The following ALG6 variants were observed in gnomAD, a reference collection of about 807,000 sequenced individuals.
ALG6 encodes the protein ALG6 alpha-1,3-glucosyltransferase.
Under a neutral mutation model 66.6 loss-of-function variants are expected in ALG6, and 46 were observed. The ratio of observed to expected loss-of-function variants is 0.69; its 90% CI spans 0.55 to 0.88. The LOEUF is 0.88. Ranked by LOEUF, ALG6 falls within the 40% of genes least tolerant of loss-of-function variation. The pLI, the probability that ALG6 is intolerant of heterozygous loss-of-function variation, is 0.00. For synonymous variants in ALG6, 185 were observed against 203.7 expected (o/e 0.91, Z 0.78); for missense variants, 505 against 586.8 (o/e 0.86, Z 1.44).
chr1:63,400,280 T>TATAC lies in ALG6; in HGVS notation c.168-1973_168-1972insTACA, dbSNP rs1415450323. 4.6e-4 allele frequency among the ~76,000 whole-genome samples: 12 copies of TATAC among 26,282 alleles called. 4 individuals carry two copies. The East Asian group carries it at 0.012, about 26-fold the overall frequency. The allele number at this position is 26,282 out of a possible 152,430, so 17.2% of individuals were successfully genotyped here. A position where few individuals can be genotyped will look rare whatever the true frequency, so the allele number is the denominator to read the frequency against. ...GTATATATATATACGTATATATATATACGTATATATATATACGTATATATA... is the reference window on the plus strand; with the variant it reads ...GTATATATATATACGTATATATATATATACACGTATATATATATACGTATATATA... On this transcript the variant is annotated intron_variant, in intron 3 of 14. Transcript: ENST00000263440.
At chr1:63,410,206 C>A (rs1272594432) in intron 7 of ALG6, among the ~76,000 whole-genome samples, 1 of 152,062 alleles carries the variant, frequency 6.6e-6, no homozygotes, top group African/African-American at 2.4e-5. Flanking sequence ...ATGTTGAAAT[C>A]TTTATCTATT....
At chr1:63,378,414 A>G (rs1385562405) in intron 2 of ALG6, among the ~76,000 whole-genome samples, 1 of 152,092 alleles carries the variant, frequency 6.6e-6, no homozygotes, top group African/African-American at 2.4e-5. Flanking sequence ...ATATTAAAAC[A>G]TTTGTCATCC....
chr1:63,427,787 CTTTT>C (rs540658412), intron 12 of ALG6, among the ~76,000 whole-genome samples: 1 of 109,958 alleles, frequency 9.1e-6, no homozygotes, highest in Non-Finnish European at 1.8e-5. Context: ...CCCTAAACAA[CTTTT>C]TTTTTTTTTT....
chr1:63,436,907 T>C lies in ALG6; in HGVS notation c.1411T>C (p.Ser471Pro), dbSNP rs1486995042. 4 of 1,613,830 alleles carry C rather than the reference T, an allele frequency of 2.5e-6. No homozygotes were observed. The highest frequency in any genetic ancestry group is 3.4e-6 in the Non-Finnish European group (4 of 1,179,826). ...DPPQKLPDLF[S>P]VLVCFVSCLN... ...TCCTCAGAAACTACCGGACTTGTTT[T>C]CTGTATTGGTGTGTTTTGTATCTTG... is the stretch of plus-strand genomic sequence containing the variant. Residue 471 changes from serine (S) to proline (P), a missense_variant, in exon 15 of 15, where the codon TCT (serine) becomes CCT (proline). By Grantham distance (74) the Ser-to-Pro change is moderately conservative. Coordinates refer to ENST00000263440, the MANE Select transcript of ALG6 (RefSeq NM_013339.4).
intron 12 of ALG6, among the ~76,000 whole-genome samples, chr1:63,427,013 T>C (rs1042834251): frequency 6.6e-6 from 1 of 152,148 alleles, no homozygotes; most frequent in Non-Finnish European, 1.5e-5. Flanking sequence ...TAGTAATTTC[T>C]TTCTTTGAGA....
intron 12 of ALG6, among the ~76,000 whole-genome samples, chr1:63,420,231 T>A (rs1404570589): frequency 1.3e-5 from 2 of 152,122 alleles, no homozygotes; most frequent in Non-Finnish European, 2.9e-5. Context: ...CAGTCTCATA[T>A]CATTGTAGAC....
At chr1:63,401,149 T>C (rs1429637710) in intron 3 of ALG6, among the ~76,000 whole-genome samples, 2 of 152,140 alleles carry the variant, frequency 1.3e-5, no homozygotes, top group Admixed American at 6.5e-5. Flanking sequence ...GGTACCATAC[T>C]GTAGTACTCT....
rs1047305277 is a variant in ALG6 at position 63,437,435 on chromosome 1, C to T, written c.*415C>T. ...GCTTCATGGGAGAATTGAGCCCCTTCTTTTTAATGGAAATCACTAATTTTG... is the reference window on the plus strand; with the variant it reads ...GCTTCATGGGAGAATTGAGCCCCTTTTTTTTAATGGAAATCACTAATTTTG... On this transcript the variant is annotated 3_prime_UTR_variant, in exon 15 of 15. Transcript: ENST00000263440. The T allele has an allele frequency of 4.1e-5, 7 of 171,282 alleles. No individual in the cohort carries two copies. Among genetic ancestry groups the T allele is most frequent in the African/African-American group, 1.7e-4 (7 of 41,682 alleles). 10.6% of individuals were successfully genotyped at this position (171,282 alleles called of 1,614,324 possible).
chr1:63,418,090 C>T (rs940289315), intron 11 of ALG6, among the ~76,000 whole-genome samples: 15 of 149,984 alleles, frequency 1.0e-4, no homozygotes, highest in African/African-American at 1.2e-4. Context: ...GTGGAGATTG[C>T]GCCACTGCAC....
intron 12 of ALG6, among the ~76,000 whole-genome samples, chr1:63,426,443 G>C (rs1644615881): frequency 6.6e-6 from 1 of 152,208 alleles, no homozygotes; most frequent in Non-Finnish European, 1.5e-5. Context: ...AAGAGGTTGA[G>C]GATGTAGGGC....
chr1:63,382,445 TG>T (rs1411509658), intron 2 of ALG6, among the ~76,000 whole-genome samples: 6 of 151,778 alleles, frequency 4.0e-5, no homozygotes, highest in African/African-American at 1.4e-4. Flanking sequence ...TCAAGTGATC[TG>T]CCCGCCTCAG....
intron 1 of ALG6, 132 bp from the exon 2 acceptor site, chr1:63,370,639 T>C: frequency 3.4e-6 from 1 of 292,848 alleles, no homozygotes; most frequent in Admixed American, 4.9e-5. Flanking sequence ...GAACTTAAAA[T>C]ACCACGTTTC....
intron 3 of ALG6, among the ~76,000 whole-genome samples, chr1:63,400,206 A>AAAAAATATATATATATATAT (rs1412046755): frequency 2.7e-5 from 1 of 36,428 alleles, no homozygotes; most frequent in Non-Finnish European, 4.1e-5. Context: ...AAAAAAAAAA[A>AAAAAATATATATATATATAT]ATATATATAT....
At chr1:63,428,659 A>G in intron 12 of ALG6, 74 bp from the exon 13 acceptor site, 2 of 1,129,988 alleles carry the variant, frequency 1.8e-6, no homozygotes, top group Non-Finnish European at 2.6e-6. Context: ...GATAAAATGT[A>G]TTTATATTTT....
At chr1:63,372,690 A>G (rs796449756) in intron 2 of ALG6, among the ~76,000 whole-genome samples, 15 of 152,102 alleles carry the variant, frequency 9.9e-5, no homozygotes, top group African/African-American at 3.6e-4. Context: ...GAGAAAAAAA[A>G]GCTCTGTCAC....
At chr1:63,413,775 G>A in intron 9 of ALG6, 1 of 249,710 alleles carries the variant, frequency 4.0e-6, no homozygotes. Flanking sequence ...AAGGACTTTA[G>A]TATTCAGGGA....
At chr1:63,386,327 C>T (rs537873385) in intron 2 of ALG6, among the ~76,000 whole-genome samples, 3 of 151,494 alleles carry the variant, frequency 2.0e-5, no homozygotes, top group Non-Finnish European at 4.4e-5. Flanking sequence ...GAGTACTGGG[C>T]TCGTAGAATG....
intron 3 of ALG6, among the ~76,000 whole-genome samples, chr1:63,399,935 G>A (rs527338032): frequency 6.6e-6 from 1 of 151,530 alleles, no homozygotes; most frequent in Non-Finnish European, 1.5e-5. Flanking sequence ...AGTGGCTTAC[G>A]CCTGTAATCC....
rs1644480834 is a variant in ALG6, at chr1:63,404,476, G to A, written c.281G>A (p.Trp94Ter). ...AYVAKFINPD[W>*]IALHTSRGYE... is the part of the protein sequence containing the mutation. Reference sequence around the variant, plus strand: ...AGGGCAAAGTTTATAAATCCAGACTGGATTGCTCTCCATACATCACGTGGA... The same window carrying A: ...AGGGCAAAGTTTATAAATCCAGACTAGATTGCTCTCCATACATCACGTGGA... The change falls in exon 5 of 15, where the codon TGG becomes TAG. Residue 94 changes from tryptophan to a stop codon, truncating the protein, a stop_gained. Transcript: ENST00000263440. LOFTEE classifies it high-confidence loss of function. 1.2e-6 allele frequency: 2 copies of A among 1,613,624 alleles called. No homozygotes were observed. Among genetic ancestry groups the A allele is most frequent in the Non-Finnish European group, 1.7e-6 (2 of 1,179,696 alleles).
Sources: gnomAD v4.1 joint callset for allele counts (sites outside exome capture counted in the v4.1 genomes callset) on GRCh38, gnomAD v4.1.1 for gene constraint, MANE v1.5 for transcripts, NCBI Gene and HGNC (gene_info 2026-07-23, HGNC 2026-07-21) for gene names.